Variants in PARVB observed in about 807,000 individuals in gnomAD.
PARVB encodes parvin beta.
PARVB carries 46 observed loss-of-function variants against 47.0 expected under a neutral mutation model. The observed-to-expected ratio is 0.98, with a 90% CI of 0.77 to 1.25. PARVB has a LOEUF of 1.25. PARVB is among the 50% of genes most tolerant of loss of function. The pLI, the probability that PARVB is intolerant of heterozygous loss-of-function variation, is 0.00. For synonymous variants in PARVB, 196 were observed against 196.3 expected, an observed-to-expected ratio of 1.00 and a Z score of 0.01; for missense variants, 473 against 471.6, an observed-to-expected ratio of 1.00 and a Z score of -0.03.
chr22:44,098,012 T>C (rs1055030549), intron 2 of PARVB, among the ~76,000 whole-genome samples: 2 of 152,202 alleles, frequency 1.3e-5, no homozygotes, highest in African/African-American at 4.8e-5. Flanking sequence ...CTCAGAGCCT[T>C]CAGGAGGGAG....
rs764405598 is a variant in PARVB at position 44,155,004 on chromosome 22, GGT to G, written c.844-2966_844-2965del. Among the ~76,000 whole-genome samples the G allele has an allele frequency of 9.5e-3, 1,062 of 111,402 alleles. 11 individuals are homozygous for G. Among genetic ancestry groups the G allele is most frequent in the South Asian group, 0.033 (79 of 2,386 alleles). 73.1% of individuals were successfully genotyped at this position (111,402 alleles called of 152,430 possible). ...TGTGTGTGGTTTTTGTAGTCTGTGT[GGT>G]GTGTGTGTGTGGTTTTTGTAGTCTG... On this transcript the variant is annotated intron_variant, in intron 10 of 12. Transcript: ENST00000338758. The surrounding 1 kb of genome is among the most constrained non-coding windows in gnomAD (Gnocchi z 4.8).
At chr22:44,153,681 T>A (rs2053858792) in intron 10 of PARVB, 1 of 152,256 alleles carries the variant, frequency 6.6e-6, no homozygotes, top group African/African-American at 2.4e-5. Context: ...TGTTTTGTAA[T>A]GTGTTTTGTG....
At chr22:44,071,626 T>C (rs1439649844) in intron 1 of PARVB, among the ~76,000 whole-genome samples, 1 of 152,150 alleles carries the variant, frequency 6.6e-6, no homozygotes, top group Non-Finnish European at 1.5e-5. Context: ...CTGACTGGAA[T>C]CCCTGTCCTC....
chr22:44,153,005 G>T (rs377571296), intron 10 of PARVB: 4 of 152,184 alleles, frequency 2.6e-5, no homozygotes, highest in Admixed American at 2.6e-4. Context: ...TGCACAGAGG[G>T]TTTTGTTCAG....
At chr22:44,081,340 A>C (rs1200522678) in intron 1 of PARVB, among the ~76,000 whole-genome samples, 1 of 152,120 alleles carries the variant, frequency 6.6e-6, no homozygotes. Context: ...TCATGGAGGC[A>C]TCTGTGTCAC....
intron 3 of PARVB, chr22:44,108,455 G>A (rs1399512126): frequency 6.6e-6 from 1 of 152,292 alleles, no homozygotes; most frequent in African/African-American, 2.4e-5. Flanking sequence ...GATAATCAGA[G>A]AATTGCTGTT....
In PARVB at chr22:44,068,877, T is replaced by A. The variant is rs2051591043; in HGVS notation, c.113-25051T>A. On this transcript the variant is annotated intron_variant, in intron 1 of 12. Coordinates refer to ENST00000338758, the MANE Select transcript of PARVB (RefSeq NM_013327.5). This position sits in a 1 kb window ranked among gnomAD's most constrained non-coding sequence, Gnocchi z 4.1. ...CCTTCCTTCTTTGTGCATGGGGGTT[T>A]TCCTGGGGAGCAGTTGCCCTGGCCC... 6.6e-6 allele frequency among the ~76,000 whole-genome samples: 1 copy of A among 152,176 alleles called. No homozygotes were observed. Among genetic ancestry groups the A allele is most frequent in the Non-Finnish European group, 1.5e-5 (1 of 68,028 alleles).
intron 10 of PARVB, among the ~76,000 whole-genome samples, chr22:44,157,002 C>T (rs1383586077): frequency 6.6e-6 from 1 of 152,204 alleles, no homozygotes; most frequent in Non-Finnish European, 1.5e-5. Flanking sequence ...TGTGCGCTTA[C>T]ACACGGTTAA....
intron 1 of PARVB, among the ~76,000 whole-genome samples, chr22:44,027,731 C>G (rs762909428): frequency 2.0e-5 from 3 of 151,876 alleles, no homozygotes; most frequent in Non-Finnish European, 4.4e-5. Context: ...AACCCCATCT[C>G]CAGTAAAAAC....
intron 1 of PARVB, among the ~76,000 whole-genome samples, chr22:44,028,273 C>T (rs963413824): frequency 2.6e-5 from 4 of 152,006 alleles, no homozygotes; most frequent in East Asian, 2.0e-4. Context: ...TGCATCCCTC[C>T]GTTTCCCCAA....
chr22:44,093,014 G>A (rs4823113), intron 1 of PARVB, among the ~76,000 whole-genome samples: 3,962 of 152,330 alleles, frequency 0.026, 200 homozygotes, highest in Admixed American at 0.13. Flanking sequence ...GCTCCCCAGC[G>A]GCCCTCCACC....
chr22:44,121,742 A>C (rs2053052945), intron 4 of PARVB, among the ~76,000 whole-genome samples: 1 of 152,168 alleles, frequency 6.6e-6, no homozygotes, highest in Non-Finnish European at 1.5e-5. Context: ...AGTTTTTTAA[A>C]AATTGTGAGT....
At chr22:44,014,821 C>G (rs1404092507) in intron 2 of PARVB, among the ~76,000 whole-genome samples, 1 of 151,138 alleles carries the variant, frequency 6.6e-6, no homozygotes, top group Admixed American at 6.6e-5. Flanking sequence ...GTAGCACATA[C>G]AAGACAAAAA....
intron 1 of PARVB, among the ~76,000 whole-genome samples, chr22:44,069,465 A>G (rs1202951632): frequency 1.3e-5 from 2 of 152,000 alleles, no homozygotes; most frequent in African/African-American, 4.8e-5. Context: ...TCTCAGGCAC[A>G]TGCTGCAATT....
At chr22:44,126,941 C>A (rs964690093) in intron 4 of PARVB, among the ~76,000 whole-genome samples, 3 of 152,140 alleles carry the variant, frequency 2.0e-5, no homozygotes, top group African/African-American at 7.2e-5. Context: ...CATGCCAGTG[C>A]CTTCTATAGA....
At position 44,170,087 on chromosome 22, in the gene PARVB, A is replaced by C. The variant is rs1316968611; in HGVS notation, c.*1409A>C. 1 of 146,320 alleles carries C rather than the reference A, an allele frequency of 6.8e-6. No individual in the cohort carries two copies. The highest frequency in any genetic ancestry group is 2.6e-5 in the African/African-American group (1 of 38,420). The allele number at this position is 146,320 out of a possible 1,614,324, so 9.1% of individuals were successfully genotyped here. ...GCCATCTCAGCTCACTGCAGCCTTGATCTCCCAGGCTCAATTGATCCTCCC... is the reference window on the plus strand; with the variant it reads ...GCCATCTCAGCTCACTGCAGCCTTGCTCTCCCAGGCTCAATTGATCCTCCC... On this transcript the variant is annotated 3_prime_UTR_variant, in exon 13 of 13. Coordinates refer to ENST00000338758, the MANE Select transcript of PARVB (RefSeq NM_013327.5).
In PARVB at chr22:44,101,859, A is replaced by G. The variant is rs2052455517; in HGVS notation, c.273+1736A>G. Among the ~76,000 whole-genome samples the G allele has an allele frequency of 2.0e-5, 3 of 152,218 alleles. No individual in the cohort carries two copies. In the South Asian group the frequency reaches 6.2e-4, roughly 32 times the overall value. ...TTTGTTTTATTTTTTCCCTCTGAAT[A>G]CCCACTTTGTTATTTCAAACAGAAG... is the stretch of plus-strand genomic sequence containing the variant. On this transcript the variant is annotated intron_variant, in intron 3 of 12. Coordinates refer to ENST00000338758, the MANE Select transcript of PARVB (RefSeq NM_013327.5).
chr22:44,052,391 C>G (rs1397066879), intron 1 of PARVB, among the ~76,000 whole-genome samples: 1 of 152,204 alleles, frequency 6.6e-6, no homozygotes, highest in African/African-American at 2.4e-5. Context: ...TCACCTGATT[C>G]TGGGAATGCC....
Position 44,095,535 on chromosome 22 carries a change from C to T in PARVB, c.202+1518C>T, listed in dbSNP as rs1286972647. 2.0e-5 allele frequency among the ~76,000 whole-genome samples: 3 copies of T among 151,986 alleles called. No individual in the cohort carries two copies. In the East Asian group the frequency reaches 5.8e-4, roughly 29 times the overall value. On this transcript the variant is annotated intron_variant, in intron 2 of 12. Transcript: ENST00000338758. Reference sequence around the variant, plus strand: ...AAAAAAAAAAGAAAAAAAGAAAATGCAAAACACAATTAATATGCTTCTTCC... The same window carrying T: ...AAAAAAAAAAGAAAAAAAGAAAATGTAAAACACAATTAATATGCTTCTTCC...
Sources: allele counts gnomAD v4.1 joint callset (sites outside exome capture counted in the v4.1 genomes callset), GRCh38; gene constraint gnomAD v4.1.1; non-coding constraint Gnocchi (gnomAD v3.1); transcripts MANE v1.5; gene names NCBI Gene and HGNC (gene_info 2026-07-23, HGNC 2026-07-21).